The following KCNK13 variants were observed in gnomAD, a reference collection of about 807,000 sequenced individuals.
The protein encoded by KCNK13 is potassium channel subfamily K member 13.
A neutral mutation model predicts 23.4 loss-of-function variants in KCNK13; 12 were observed. That is an observed-to-expected ratio of 0.51 (90% CI 0.33 to 0.83). The LOEUF (loss-of-function observed/expected upper bound fraction) is 0.83. Ranked by LOEUF, KCNK13 falls within the 40% of genes least tolerant of loss-of-function variation. The pLI, the probability that KCNK13 is intolerant of heterozygous loss-of-function variation, is 0.02. For missense variants in KCNK13, 463 were observed against 556.3 expected (o/e 0.83, Z 1.69); for synonymous variants, 231 against 229.5 (o/e 1.01, Z -0.06).
chr14:90,179,687 T>C (rs535332218), intron 1 of KCNK13, among the ~76,000 whole-genome samples: 1 of 152,300 alleles, frequency 6.6e-6, no homozygotes, highest in East Asian at 1.9e-4. Flanking sequence ...ATCAGATAAC[T>C]TCAGGCTTGA....
Position 90,062,114 on chromosome 14 carries a change from G to A in KCNK13, c.-92G>A. ...GCGGTGGGGCGCCCGGGAGCTGGCT[G>A]AGCGCCGGGGCCCTTATTTCCCGGG... On this transcript the variant is annotated 5_prime_UTR_variant, in exon 1 of 2. The change abolishes the stop of an existing upstream ORF in the 5' untranslated region. Transcript: ENST00000282146. The surrounding 1 kb of genome is among the most constrained non-coding windows in gnomAD (Gnocchi z 4.5). 2 of 861,248 alleles carry A rather than the reference G, an allele frequency of 2.3e-6. No individual in the cohort carries two copies. The highest frequency in any genetic ancestry group is 3.2e-6 in the Non-Finnish European group (2 of 634,274). The allele number at this position is 861,248 out of a possible 1,614,324, so 53.4% of individuals were successfully genotyped here.
chr14:90,094,418 T>C (rs1889383433), intron 1 of KCNK13, among the ~76,000 whole-genome samples: 2 of 152,174 alleles, frequency 1.3e-5, no homozygotes, highest in Non-Finnish European at 1.5e-5. Context: ...ATTCTATTTC[T>C]TGTAATCTAT....
At chr14:90,157,702 CTTTTTT>C (rs34114368) in intron 1 of KCNK13, among the ~76,000 whole-genome samples, 28 of 100,308 alleles carry the variant, frequency 2.8e-4, no homozygotes, top group African/African-American at 1.1e-3. Flanking sequence ...CTTGGCTTTC[CTTTTTT>C]TTTTTTTTTT....
Position 90,185,108 on chromosome 14 carries a change from T to C in KCNK13, c.*105T>C. ...CCTTGGCTCTGTTCCTTCTGGGAGCTGTTCCCGGGAGCCTCCGCAAGCATC... is the reference window on the plus strand; with the variant it reads ...CCTTGGCTCTGTTCCTTCTGGGAGCCGTTCCCGGGAGCCTCCGCAAGCATC... On this transcript the variant is annotated 3_prime_UTR_variant, in exon 2 of 2. Coordinates refer to ENST00000282146, the MANE Select transcript of KCNK13 (RefSeq NM_022054.4). 9.4e-7 allele frequency: 1 copy of C among 1,065,822 alleles called. No individual in the cohort carries two copies. The highest frequency in any genetic ancestry group is 1.3e-6 in the Non-Finnish European group (1 of 773,316). 66.0% of individuals were successfully genotyped at this position (1,065,822 alleles called of 1,614,324 possible).
At chr14:90,089,940 T>A (rs143021842) in intron 1 of KCNK13, among the ~76,000 whole-genome samples, 10 of 152,278 alleles carry the variant, frequency 6.6e-5, no homozygotes, top group African/African-American at 2.4e-4. Flanking sequence ...TTTCCGAGGA[T>A]GGTGGAAATG....
chr14:90,172,142 C>G (rs1890371392), intron 1 of KCNK13, among the ~76,000 whole-genome samples: 1 of 151,982 alleles, frequency 6.6e-6, no homozygotes, highest in African/African-American at 2.4e-5. Flanking sequence ...TATGGTGGAA[C>G]CCCGTCTCTA....
At position 90,062,008 on chromosome 14, in the gene KCNK13, C is replaced by T. The variant is rs868002449; in HGVS notation, c.-198C>T. On this transcript the variant is annotated 5_prime_UTR_variant, in exon 1 of 2. Coordinates refer to ENST00000282146, the MANE Select transcript of KCNK13 (RefSeq NM_022054.4). This position sits in a 1 kb window ranked among gnomAD's most constrained non-coding sequence, Gnocchi z 4.5. ...TAGGAGTCAAGGAGGACGTGGGGAG[C>T]TGGCGCCACAGGAGCTACCGAGGCG... is the stretch of plus-strand genomic sequence containing the variant. 1 of 395,374 alleles carries T rather than the reference C, an allele frequency of 2.5e-6. No homozygotes were observed. 24.5% of individuals were successfully genotyped at this position (395,374 alleles called of 1,614,324 possible).
At position 90,107,295 on chromosome 14, in the gene KCNK13, T is replaced by C. The variant is rs140454996; in HGVS notation, c.334+44756T>C. On this transcript the variant is annotated intron_variant, in intron 1 of 1. Coordinates refer to ENST00000282146, the MANE Select transcript of KCNK13 (RefSeq NM_022054.4). ...GAGATTGAGACCATCCTGGCTAACA[T>C]GGTGAAACCCCATCTCTACTAAAAT... Among the ~76,000 whole-genome samples the C allele has an allele frequency of 1.3e-3, 197 of 152,194 alleles. 1 individual carries two copies. The highest frequency in any genetic ancestry group is 4.2e-3 in the African/African-American group (173 of 41,548).
At chr14:90,133,162 T>C (rs1181171275) in intron 1 of KCNK13, among the ~76,000 whole-genome samples, 2 of 152,220 alleles carry the variant, frequency 1.3e-5, no homozygotes, top group East Asian at 3.8e-4. Flanking sequence ...CTTGATCTCA[T>C]TTAAACTTCA....
chr14:90,127,993 C>T (rs1889822833), intron 1 of KCNK13, among the ~76,000 whole-genome samples: 1 of 152,190 alleles, frequency 6.6e-6, no homozygotes, highest in Non-Finnish European at 1.5e-5. Flanking sequence ...GGCTTGACCC[C>T]AGACCTATGG....
In KCNK13 at chr14:90,178,384, C is replaced by T. The variant is rs185216586; in HGVS notation, c.335-5727C>T. ...TCATTTCACTGCAAACTCCACCTCC[C>T]GGGTTCAAGTGATTCTCCTGCCTCA... is the stretch of plus-strand genomic sequence containing the variant. On this transcript the variant is annotated intron_variant, in intron 1 of 1. Coordinates refer to ENST00000282146, the MANE Select transcript of KCNK13 (RefSeq NM_022054.4). 3.2e-4 allele frequency among the ~76,000 whole-genome samples: 49 copies of T among 152,028 alleles called. No individual in the cohort carries two copies. In the East Asian group the frequency reaches 4.4e-3, roughly 14 times the overall value.
intron 1 of KCNK13, among the ~76,000 whole-genome samples, chr14:90,115,544 G>A (rs1889666563): frequency 6.6e-6 from 1 of 152,154 alleles, no homozygotes; most frequent in African/African-American, 2.4e-5. Flanking sequence ...TGACCCAGGG[G>A]CCCTTTCTGT....
intron 1 of KCNK13, among the ~76,000 whole-genome samples, chr14:90,091,340 C>T (rs1045255270): frequency 1.3e-5 from 2 of 152,018 alleles, no homozygotes; most frequent in Non-Finnish European, 2.9e-5. Context: ...TAATGAGAAT[C>T]GAACCGGTAA....
chr14:90,137,976 G>T (rs1889958500), intron 1 of KCNK13, among the ~76,000 whole-genome samples: 1 of 152,134 alleles, frequency 6.6e-6, no homozygotes, highest in African/African-American at 2.4e-5. Flanking sequence ...GGAGTAGGGA[G>T]ATATTCTAGG....
At chr14:90,068,414 G>A (rs139175500) in intron 1 of KCNK13, among the ~76,000 whole-genome samples, 2,536 of 152,156 alleles carry the variant, frequency 0.017, 42 homozygotes, top group Non-Finnish European at 0.023. Context: ...GGCCAACATG[G>A]CGAAACCCCA....
intron 1 of KCNK13, among the ~76,000 whole-genome samples, chr14:90,118,257 A>G (rs1190388680): frequency 1.3e-5 from 2 of 152,206 alleles, no homozygotes; most frequent in African/African-American, 2.4e-5. Flanking sequence ...AGAGTTTAGT[A>G]TGGTAATGAG....
chr14:90,162,186 A>G (rs1258027865), intron 1 of KCNK13, among the ~76,000 whole-genome samples: 2 of 152,144 alleles, frequency 1.3e-5, no homozygotes, highest in African/African-American at 4.8e-5. Flanking sequence ...CTCAGAAAAA[A>G]CAAAACAAAA....
chr14:90,099,401 G>A (rs1889448943), intron 1 of KCNK13, among the ~76,000 whole-genome samples: 1 of 152,116 alleles, frequency 6.6e-6, no homozygotes, highest in African/African-American at 2.4e-5. Flanking sequence ...AATAAACTCT[G>A]CTGCATCTTG....
intron 1 of KCNK13, among the ~76,000 whole-genome samples, chr14:90,145,483 T>G (rs1436598773): frequency 6.6e-6 from 1 of 152,220 alleles, no homozygotes; most frequent in Non-Finnish European, 1.5e-5. Context: ...CATTGTTGGA[T>G]TCAAACATGC....
Sources: allele counts gnomAD v4.1 joint callset (sites outside exome capture counted in the v4.1 genomes callset), GRCh38; gene constraint gnomAD v4.1.1; non-coding constraint Gnocchi (gnomAD v3.1); transcripts MANE v1.5; gene names NCBI Gene and HGNC (gene_info 2026-07-23, HGNC 2026-07-21).